The following LTAP1 variants were observed in gnomAD, a reference collection of about 807,000 sequenced individuals.
LTAP1 encodes the protein HCV NS5A-transactivated protein 4.
chr1:154,220,258 GA>G, the LTAP1 span: 2 of 1,498,984 alleles, frequency 1.3e-6, no homozygotes, highest in Non-Finnish European at 1.9e-6. Context: ...AGTGGGTGGA[GA>G]ATGCAGACGG....
the LTAP1 span, among the ~76,000 whole-genome samples, chr1:154,210,820 T>C: frequency 6.7e-6 from 1 of 148,948 alleles, no homozygotes; most frequent in African/African-American, 2.6e-5. Flanking sequence ...GCCAAGAACT[T>C]TGATTTTAAC....
At chr1:154,215,717 G>C in the LTAP1 span, among the ~76,000 whole-genome samples, 1 of 151,916 alleles carries the variant, frequency 6.6e-6, no homozygotes, top group East Asian at 1.9e-4. Context: ...CTCCCATTGT[G>C]AAACATAAGA....
the LTAP1 span, chr1:154,211,882 GTT>G: frequency 1.9e-5 from 3 of 157,506 alleles, no homozygotes; most frequent in African/African-American, 7.3e-5. Context: ...TTGAGACAGA[GTT>G]TCACTTTTGT....
At chr1:154,208,678 TAA>T in the LTAP1 span, among the ~76,000 whole-genome samples, 1 of 152,156 alleles carries the variant, frequency 6.6e-6, no homozygotes, top group Non-Finnish European at 1.5e-5. Context: ...GATTCAAACC[TAA>T]GTTTGTCAGA....
the LTAP1 span, chr1:154,219,729 C>G: frequency 2.3e-6 from 2 of 861,166 alleles, no homozygotes; most frequent in Non-Finnish European, 1.8e-6. Flanking sequence ...GACAAGTGCA[C>G]GCAAAGAAAC....
chr1:154,210,981 T>C, the LTAP1 span, among the ~76,000 whole-genome samples: 3 of 152,132 alleles, frequency 2.0e-5, no homozygotes, highest in Admixed American at 6.6e-5. Flanking sequence ...CTTTAAGTGG[T>C]AGTAAAAATA....
the LTAP1 span, among the ~76,000 whole-genome samples, chr1:154,208,829 C>A: frequency 1.3e-5 from 2 of 152,210 alleles, no homozygotes; most frequent in African/African-American, 4.8e-5. Context: ...TGGCTCACTG[C>A]AACCTCTGCC....
the LTAP1 span, chr1:154,213,823 T>G: frequency 8.0e-7 from 1 of 1,246,056 alleles, no homozygotes; most frequent in Non-Finnish European, 1.2e-6. Context: ...ACATACAAAG[T>G]GGGTTCATTA....
chr1:154,214,495 T>C, the LTAP1 span: 1 of 1,614,022 alleles, frequency 6.2e-7, no homozygotes. Context: ...TAGTCTAGCA[T>C]CATCATCTGC....
the LTAP1 span, among the ~76,000 whole-genome samples, chr1:154,209,253 C>T: frequency 6.6e-6 from 1 of 151,984 alleles, no homozygotes; most frequent in Non-Finnish European, 1.5e-5. Context: ...CTGCAACCAT[C>T]ATTCTACTTT....
the LTAP1 span, among the ~76,000 whole-genome samples, chr1:154,218,187 G>A: frequency 3.2e-4 from 48 of 152,236 alleles, no homozygotes; most frequent in Non-Finnish European, 6.2e-4. Context: ...CATGTTTCTT[G>A]GTACACATGA....
At chr1:154,212,203 G>C in the LTAP1 span, 136 of 1,132,778 alleles carry the variant, frequency 1.2e-4, 1 homozygote, top group Non-Finnish European at 1.8e-4. Flanking sequence ...TCTAGAACCT[G>C]ACAACTCTTA....
the LTAP1 span, among the ~76,000 whole-genome samples, chr1:154,213,687 A>G: frequency 1.3e-5 from 2 of 152,236 alleles, no homozygotes; most frequent in African/African-American, 4.8e-5. Flanking sequence ...TTTAAAAAAC[A>G]AAACACCCAG....
At chr1:154,217,615 C>T in the LTAP1 span, among the ~76,000 whole-genome samples, 1 of 152,114 alleles carries the variant, frequency 6.6e-6, no homozygotes, top group Non-Finnish European at 1.5e-5. Flanking sequence ...TTACTACAAC[C>T]TCTGCCACCT....
chr1:154,212,153 G>A, the LTAP1 span: 19 of 768,942 alleles, frequency 2.5e-5, no homozygotes, highest in Non-Finnish European at 3.1e-5. Flanking sequence ...CACTGTGCCC[G>A]GCCGCATCTG....
chr1:154,212,302 G>C, the LTAP1 span: 1 of 1,613,746 alleles, frequency 6.2e-7, no homozygotes, highest in Non-Finnish European at 8.5e-7. Flanking sequence ...CCTCTGACAC[G>C]TTCCCCTCCA....
the LTAP1 span, among the ~76,000 whole-genome samples, chr1:154,209,049 T>G: frequency 6.6e-6 from 1 of 152,140 alleles, no homozygotes; most frequent in East Asian, 1.9e-4. Context: ...TGCCTGGCCT[T>G]CAGAAATAAT....
the LTAP1 span, among the ~76,000 whole-genome samples, chr1:154,212,977 C>T: frequency 1.3e-5 from 2 of 152,142 alleles, no homozygotes; most frequent in Admixed American, 1.3e-4. Context: ...CTGCCCCATT[C>T]TTTAGTCTTT....
the LTAP1 span, chr1:154,208,579 A>G: frequency 3.9e-5 from 6 of 152,124 alleles, no homozygotes; most frequent in African/African-American, 1.2e-4. Context: ...TCCCCAATAT[A>G]GGTATCACCT....
Sources: gnomAD v4.1 joint callset for allele counts (sites outside exome capture counted in the v4.1 genomes callset) on GRCh38, gnomAD v4.1.1 for gene constraint, MANE v1.5 for transcripts, NCBI Gene and HGNC (gene_info 2026-07-23, HGNC 2026-07-21) for gene names.